DLG4: variants seen among roughly 807,000 people sequenced by gnomAD.
The protein encoded by DLG4 is disks large homolog 4.
A neutral mutation model predicts 93.8 loss-of-function variants in DLG4; 7 were observed. The observed-to-expected ratio is 0.07, with a 90% CI of 0.04 to 0.14. The LOEUF is 0.14. Ranked by LOEUF, DLG4 falls within the 10% of genes least tolerant of loss-of-function variation. The probability of loss-of-function intolerance (pLI) is 1.00; values close to 1 mark genes in which losing one functional copy is unlikely to be tolerated. For synonymous variants in DLG4, 341 were observed against 387.6 expected (o/e 0.88, Z 1.41); for missense variants, 545 against 992.9 (o/e 0.55, Z 6.06).
intron 2 of DLG4, among the ~76,000 whole-genome samples, chr17:7,207,146 A>T (rs222855): frequency 2.0e-4 from 31 of 151,678 alleles, no homozygotes; most frequent in Non-Finnish European, 1.0e-4. Context: ...GGCAGAGGTG[A>T]GAACCCAAGA....
At chr17:7,219,364 C>T (rs1332995536), upstream of DLG4, 2 of 1,005,064 alleles carry the variant, frequency 2.0e-6, no homozygotes, top group African/African-American at 3.5e-5. Flanking sequence ...GTCTCAGAGG[C>T]TTTACTAAGG....
Position 7,203,259 on chromosome 17 carries a change from T to C in DLG4, c.576A>G (p.Thr192=), listed in dbSNP as rs1181293465. Residue 192 remains threonine (T), a synonymous_variant, in exon 7 of 20, where the codon ACA becomes ACG. Transcript: ENST00000399506. The surrounding 1 kb of genome is among the most constrained non-coding windows in gnomAD (Gnocchi z 7.2). ...GGGCAGCACCCCCTTCGATGATCTT[T>C]GTTACATAGATGCTATTATCTCCTG... The part of the protein sequence containing the change: ...HIPGDNSIYV[T]KIIEGGAAHK... The C allele has an allele frequency of 6.2e-7, 1 of 1,611,222 alleles. No individual in the cohort carries two copies. The highest frequency in any genetic ancestry group is 1.3e-5 in the African/African-American group (1 of 74,854).
At chr17:7,213,091 C>CTTTTTTTT (rs1567551398) in intron 1 of DLG4, among the ~76,000 whole-genome samples, 3 of 99,536 alleles carry the variant, frequency 3.0e-5, no homozygotes, top group Admixed American at 1.1e-4. Context: ...TTCTTTCTTT[C>CTTTTTTTT]TTTCTTTTTT....
rs749281007 is a variant in DLG4, at chr17:7,196,877, C to A, written c.963G>T (p.Thr321=). The stretch of plus-strand genomic sequence containing the variant: ...CACCCACGATGTTGAAGCCCAGGCC[C>A]GTGGAGCCCCGGTGGATCACAATTC... ...PRRIVIHRGS[T]GLGFNIVGGE... Residue 321 remains threonine (T), a synonymous_variant, in exon 9 of 20, where the codon ACG becomes ACT. Transcript: ENST00000399506. This position sits in a 1 kb window ranked among gnomAD's most constrained non-coding sequence, Gnocchi z 8.3. 12 of 1,613,698 alleles carry A rather than the reference C, an allele frequency of 7.4e-6. No homozygotes were observed. The African/African-American group carries it at 1.5e-4, about 20-fold the overall frequency.
chr17:7,197,809 A>T (rs1010866339), intron 8 of DLG4, among the ~76,000 whole-genome samples: 1 of 152,116 alleles, frequency 6.6e-6, no homozygotes, highest in African/African-American at 2.4e-5. Flanking sequence ...TAACAGGGAA[A>T]TTACTGCTTA....
chr17:7,196,036 C>A lies in DLG4; in HGVS notation c.1301+184G>T, dbSNP rs1442194187. 6.6e-6 allele frequency among the ~76,000 whole-genome samples: 1 copy of A among 151,882 alleles called. No individual in the cohort carries two copies. Among genetic ancestry groups the A allele is most frequent in the Non-Finnish European group, 1.5e-5 (1 of 68,040 alleles). ...CTTGGGGCAGAGGCTATTTTCCCAT[C>A]GACAGGGAGTATTTCAAATGTTAAC... On this transcript the variant is annotated intron_variant, in intron 11 of 19. Transcript: ENST00000399506. The surrounding 1 kb of genome is among the most constrained non-coding windows in gnomAD (Gnocchi z 8.3).
rs553825534 is a variant in DLG4 at position 7,215,360 on chromosome 17, C to T, written c.30+1758G>A. 1.2e-4 allele frequency among the ~76,000 whole-genome samples: 19 copies of T among 152,330 alleles called. No homozygotes were observed. In the East Asian group the frequency reaches 3.7e-3, roughly 29 times the overall value. On this transcript the variant is annotated intron_variant, in intron 1 of 19. Transcript: ENST00000399506. ...TGGGTAATGAATAAGGCCACCCACC[C>T]ACCCAGAATAGCTGCCTGCTGGCAA...
At chr17:7,218,354 C>T (rs1168060092), upstream of DLG4, 2 of 1,522,182 alleles carry the variant, frequency 1.3e-6, no homozygotes, top group Non-Finnish European at 1.8e-6. Context: ...GTCATCACCG[C>T]TGCTGGCTGG....
chr17:7,204,923 A>G, intron 2 of DLG4: 1 of 983,360 alleles, frequency 1.0e-6, no homozygotes, highest in Non-Finnish European at 1.2e-6. Flanking sequence ...ATCTAGGACC[A>G]GTCAAGACCC....
chr17:7,197,101 C>G, intron 8 of DLG4, 49 bp from the exon 9 acceptor site: 1 of 1,518,484 alleles, frequency 6.6e-7, no homozygotes, highest in Non-Finnish European at 8.9e-7. Context: ...AAACAGCACC[C>G]GCCACCCAAC....
In DLG4 at chr17:7,191,240, C is replaced by A. The variant is rs778665369; in HGVS notation, c.2068+27G>T. The stretch of plus-strand genomic sequence containing the variant: ...AATCCGAGCAAGGGCACCCTACATG[C>A]TGGCAACAGCCTTGCTGTGGCCTCA... On this transcript the variant is annotated intron_variant, in intron 19 of 19. Coordinates refer to ENST00000399506, the MANE Select transcript of DLG4 (RefSeq NM_001321075.3). The surrounding 1 kb of genome is among the most constrained non-coding windows in gnomAD (Gnocchi z 6.6). 3.1e-6 allele frequency: 5 copies of A among 1,609,286 alleles called. No individual in the cohort carries two copies. The highest frequency in any genetic ancestry group is 3.4e-6 in the Non-Finnish European group (4 of 1,175,826).
upstream of DLG4, chr17:7,217,911 C>T (rs1597508675): frequency 4.0e-6 from 5 of 1,237,798 alleles, no homozygotes; most frequent in Middle Eastern, 1.9e-4. Context: ...TCTCGGCAGG[C>T]GGTAGGGGGT....
chr17:7,218,767 C>A, upstream of DLG4: 1 of 1,602,658 alleles, frequency 6.2e-7, no homozygotes, highest in Non-Finnish European at 8.5e-7. Context: ...GGAGAAGGAT[C>A]TCCGAGCCCC....
At chr17:7,216,869 G>A (rs1442422725) in intron 1 of DLG4, among the ~76,000 whole-genome samples, 1 of 151,044 alleles carries the variant, frequency 6.6e-6, no homozygotes, top group South Asian at 2.1e-4. Context: ...AACCCGCCAG[G>A]CCCCCCGAAC....
At chr17:7,198,126 A>G (rs1325706164) in intron 8 of DLG4, among the ~76,000 whole-genome samples, 3 of 152,124 alleles carry the variant, frequency 2.0e-5, no homozygotes, top group African/African-American at 4.8e-5. Context: ...CCTGGTTCTG[A>G]TAAGTATCAA....
rs2069498425 is a variant in DLG4, at chr17:7,191,554, G to C, written c.1977-196C>G. 1 of 615,882 alleles carries C rather than the reference G, an allele frequency of 1.6e-6. No individual in the cohort carries two copies. The highest frequency in any genetic ancestry group is 2.9e-6 in the Non-Finnish European group (1 of 346,318). The allele number at this position is 615,882 out of a possible 1,614,324, so 38.2% of individuals were successfully genotyped here. On this transcript the variant is annotated intron_variant, in intron 18 of 19. Transcript: ENST00000399506. The surrounding 1 kb of genome is among the most constrained non-coding windows in gnomAD (Gnocchi z 6.6). ...TGCCACCCGCAACCGCCCCAGCCAGGTGTGGCTACTCCAGGGACATCTACG... is the reference window on the plus strand; with the variant it reads ...TGCCACCCGCAACCGCCCCAGCCAGCTGTGGCTACTCCAGGGACATCTACG...
In DLG4 at chr17:7,189,452, G is replaced by A. The variant is rs1597431418; in HGVS notation, c.*1256C>T. ...CACAGTGAGCCGAGATCGAGCCACT[G>A]CACTCCAGCCTGTGCGACAGAGCAA... On this transcript the variant is annotated 3_prime_UTR_variant, in exon 20 of 20. Coordinates refer to ENST00000399506, the MANE Select transcript of DLG4 (RefSeq NM_001321075.3). Among the ~76,000 whole-genome samples the A allele has an allele frequency of 1.3e-5, 2 of 151,634 alleles. No individual in the cohort carries two copies. The highest frequency in any genetic ancestry group is 1.9e-4 in the East Asian group (1 of 5,152).
In DLG4 at chr17:7,192,020, G is replaced by A; in HGVS notation, c.1867-18C>T. On this transcript the variant is annotated intron_variant, in intron 17 of 19. Coordinates refer to ENST00000399506, the MANE Select transcript of DLG4 (RefSeq NM_001321075.3). The stretch of plus-strand genomic sequence containing the variant: ...TGCTTCCCCTGGGGGCAGGCAGGGT[G>A]GGCGGAGGGGGGCCAGCGGGTGGCG... 1 of 1,341,450 alleles carries A rather than the reference G, an allele frequency of 7.5e-7. No homozygotes were observed. Among genetic ancestry groups the A allele is most frequent in the African/African-American group, 1.5e-5 (1 of 66,408 alleles). 83.1% of individuals were successfully genotyped at this position (1,341,450 alleles called of 1,614,324 possible).
chr17:7,190,651 A>G lies in DLG4; in HGVS notation c.*57T>C. Reference sequence around the variant, plus strand: ...GCCAAGGGCTTGGGCAATTCAGTCCAGACCAAGGGCCCAGGTGATGGAGGC... The same window carrying G: ...GCCAAGGGCTTGGGCAATTCAGTCCGGACCAAGGGCCCAGGTGATGGAGGC... On this transcript the variant is annotated 3_prime_UTR_variant, in exon 20 of 20. Coordinates refer to ENST00000399506, the MANE Select transcript of DLG4 (RefSeq NM_001321075.3). The G allele has an allele frequency of 7.0e-7, 1 of 1,433,060 alleles. No individual in the cohort carries two copies. 88.8% of individuals were successfully genotyped at this position (1,433,060 alleles called of 1,614,324 possible).
Sources: gnomAD v4.1 joint callset for allele counts (sites outside exome capture counted in the v4.1 genomes callset) on GRCh38, gnomAD v4.1.1 for gene constraint, Gnocchi (gnomAD v3.1) non-coding constraint, MANE v1.5 for transcripts, NCBI Gene and HGNC (gene_info 2026-07-23, HGNC 2026-07-21) for gene names.